The following SCAPER variants were observed in gnomAD, a reference collection of about 807,000 sequenced individuals.
The protein encoded by SCAPER is S-phase cyclin A associated protein in the ER, also known as S phase cyclin A-associated protein in the endoplasmic reticulum.
Under a neutral mutation model 182.2 loss-of-function variants are expected in SCAPER, and 98 were observed. That is an observed-to-expected ratio of 0.54 (90% CI 0.46 to 0.64). SCAPER has a LOEUF of 0.64. SCAPER is among the 30% of genes least tolerant of loss of function. The probability of loss-of-function intolerance (pLI) is 0.00; values close to 1 mark genes in which losing one functional copy is unlikely to be tolerated. For missense variants in SCAPER, 1,432 were observed against 1,690.0 expected, an observed-to-expected ratio of 0.85 and a Z score of 2.68; for synonymous variants, 605 against 564.6, an observed-to-expected ratio of 1.07 and a Z score of -1.01.
chr15:76,527,482 G>A (rs997630200), intron 23 of SCAPER, among the ~76,000 whole-genome samples: 4 of 152,174 alleles, frequency 2.6e-5, no homozygotes, highest in African/African-American at 9.7e-5. Context: ...CTGGCAGGTG[G>A]CTTGGTTCAA....
At chr15:76,715,529 A>G (rs1288198273) in intron 17 of SCAPER, among the ~76,000 whole-genome samples, 4 of 151,380 alleles carry the variant, frequency 2.6e-5, no homozygotes, top group Non-Finnish European at 5.9e-5. Flanking sequence ...ATTGTTCCCT[A>G]CCCCACAGGG....
intron 27 of SCAPER, among the ~76,000 whole-genome samples, chr15:76,386,444 A>T (rs1293248026): frequency 6.6e-6 from 1 of 152,194 alleles, no homozygotes; most frequent in East Asian, 1.9e-4. Context: ...AAAATCTATG[A>T]CCTTTTTCTC....
At chr15:76,357,150 T>TCACACACACACATACACA (rs2041022268) in intron 29 of SCAPER, among the ~76,000 whole-genome samples, 1 of 128,858 alleles carries the variant, frequency 7.8e-6, no homozygotes, top group South Asian at 2.9e-4. Flanking sequence ...TTTATTGACA[T>TCACACACACACATACACA]CACACACACA....
At chr15:76,707,133 T>C (rs2059305666) in intron 17 of SCAPER, among the ~76,000 whole-genome samples, 1 of 151,974 alleles carries the variant, frequency 6.6e-6, no homozygotes, top group African/African-American at 2.4e-5. Context: ...AAAAAGCAAC[T>C]ATTAAAGTAA....
chr15:76,641,083 C>T (rs2054069535), intron 21 of SCAPER, among the ~76,000 whole-genome samples: 2 of 152,190 alleles, frequency 1.3e-5, no homozygotes, highest in African/African-American at 4.8e-5. Flanking sequence ...AGGGTTAGGG[C>T]ATACTCCCTT....
intron 20 of SCAPER, among the ~76,000 whole-genome samples, chr15:76,698,802 T>A (rs1314398359): frequency 6.6e-6 from 1 of 152,250 alleles, no homozygotes; most frequent in Non-Finnish European, 1.5e-5. Context: ...CTGTGAAGAA[T>A]GTCATTGGTA....
At chr15:76,747,036 A>C (rs965491370) in intron 15 of SCAPER, among the ~76,000 whole-genome samples, 1 of 152,240 alleles carries the variant, frequency 6.6e-6, no homozygotes. Flanking sequence ...GGCAAGGTAC[A>C]CTACATTGGT....
At chr15:76,633,963 C>T (rs2053380214) in intron 21 of SCAPER, among the ~76,000 whole-genome samples, 1 of 152,178 alleles carries the variant, frequency 6.6e-6, no homozygotes, top group South Asian at 2.1e-4. Flanking sequence ...AGCCCCCTTC[C>T]CATGGAGTGG....
At chr15:76,767,874 A>G (rs1178975773) in intron 10 of SCAPER, among the ~76,000 whole-genome samples, 1 of 152,166 alleles carries the variant, frequency 6.6e-6, no homozygotes, top group Non-Finnish European at 1.5e-5. Context: ...GGAAAAAAAC[A>G]GATTACAAGT....
intron 21 of SCAPER, among the ~76,000 whole-genome samples, chr15:76,660,080 A>C (rs114817608): frequency 0.029 from 4,370 of 152,294 alleles, 194 homozygotes; most frequent in African/African-American, 0.094. Context: ...ATGAGGTTGC[A>C]TGCTTTGCAG....
intron 2 of SCAPER, among the ~76,000 whole-genome samples, chr15:76,876,834 T>TA (rs1447827151): frequency 6.6e-6 from 1 of 152,180 alleles, no homozygotes; most frequent in African/African-American, 2.4e-5. Flanking sequence ...AGTCCTAGCC[T>TA]GTGTAATAAG....
chr15:76,391,563 A>G (rs1395371994), intron 27 of SCAPER, among the ~76,000 whole-genome samples: 2 of 152,186 alleles, frequency 1.3e-5, no homozygotes, highest in African/African-American at 4.8e-5. Context: ...TTGGATGCCT[A>G]TTTCCTAACT....
intron 7 of SCAPER, among the ~76,000 whole-genome samples, chr15:76,796,600 T>C (rs960762122): frequency 6.6e-5 from 10 of 152,188 alleles, no homozygotes; most frequent in African/African-American, 2.2e-4. Context: ...TGTTCTACGA[T>C]GATAATGAAG....
intron 9 of SCAPER, 64 bp downstream of exon 9, chr15:76,774,791 T>C: frequency 6.8e-7 from 1 of 1,478,660 alleles, no homozygotes; most frequent in South Asian, 1.4e-5. Context: ...ACTAAGACAT[T>C]CCAGTACACA....
chr15:76,777,609 G>A (rs1459730467), intron 8 of SCAPER, among the ~76,000 whole-genome samples: 4 of 152,162 alleles, frequency 2.6e-5, no homozygotes, highest in Non-Finnish European at 4.4e-5. Flanking sequence ...CAGAAGAATC[G>A]CTTGGACCTG....
At chr15:76,745,206 G>A (rs1027630784) in intron 15 of SCAPER, among the ~76,000 whole-genome samples, 4 of 152,120 alleles carry the variant, frequency 2.6e-5, no homozygotes, top group African/African-American at 7.2e-5. Flanking sequence ...TTGGGAGTCC[G>A]AGGTGGGTGG....
intron 23 of SCAPER, among the ~76,000 whole-genome samples, chr15:76,571,603 G>A (rs950753136): frequency 6.6e-6 from 1 of 152,108 alleles, no homozygotes; most frequent in Non-Finnish European, 1.5e-5. Flanking sequence ...TGTGTCAAGC[G>A]ATAGTAGAAA....
At chr15:76,351,960 G>C (rs2040582645) in intron 30 of SCAPER, among the ~76,000 whole-genome samples, 1 of 151,990 alleles carries the variant, frequency 6.6e-6, no homozygotes, top group African/African-American at 2.4e-5. Context: ...TTTTTTGTAA[G>C]ACAAAGGTAG....
intron 5 of SCAPER, among the ~76,000 whole-genome samples, chr15:76,839,373 G>A (rs148836257): frequency 9.2e-5 from 14 of 152,222 alleles, no homozygotes; most frequent in African/African-American, 2.9e-4. Flanking sequence ...AAATTATTGC[G>A]TCATGTATCT....
Sources: gnomAD v4.1 joint callset for allele counts (sites outside exome capture counted in the v4.1 genomes callset) on GRCh38, gnomAD v4.1.1 for gene constraint, MANE v1.5 for transcripts, NCBI Gene and HGNC (gene_info 2026-07-23, HGNC 2026-07-21) for gene names.